The following SLC10A1 variants were observed in gnomAD, a reference collection of about 807,000 sequenced individuals.
SLC10A1 encodes the protein solute carrier family 10 member 1.
In SLC10A1, 36 loss-of-function variants were observed where a neutral mutation model predicts 20.5. The ratio of observed to expected loss-of-function variants is 1.75; its 90% CI spans 1.34 to 2.32. SLC10A1 has a LOEUF of 2.32. SLC10A1 is among the 30% of genes most tolerant of loss of function. The pLI is 0.00. For synonymous variants in SLC10A1, 188 were observed against 163.6 expected (o/e 1.15, Z -1.14); for missense variants, 545 against 439.1 (o/e 1.24, Z -2.16).
In SLC10A1 at chr14:69,775,991, A is replaced by G. The variant is rs150123920; in HGVS notation, c.*291T>C. 2 of 365,402 alleles carry G rather than the reference A, an allele frequency of 5.5e-6. No individual in the cohort carries two copies. The highest frequency in any genetic ancestry group is 9.9e-6 in the Non-Finnish European group (2 of 201,122). The allele number at this position is 365,402 out of a possible 1,614,324, so 22.6% of individuals were successfully genotyped here. The stretch of plus-strand genomic sequence containing the variant: ...TGAGTGACTTTAAGATGCTTATCAG[A>G]CACTTTTAGAGATCCCAGCAAGAGG... On this transcript the variant is annotated 3_prime_UTR_variant, in exon 5 of 5. Transcript: ENST00000216540.
intron 2 of SLC10A1, among the ~76,000 whole-genome samples, chr14:69,780,841 G>A (rs936312950): frequency 6.6e-6 from 1 of 152,076 alleles, no homozygotes; most frequent in African/African-American, 2.4e-5. Context: ...TCTGTCTTTC[G>A]AATTTGTCCT....
chr14:69,788,636 C>T (rs188239325), intron 1 of SLC10A1, among the ~76,000 whole-genome samples: 2 of 152,124 alleles, frequency 1.3e-5, no homozygotes, highest in East Asian at 3.9e-4. Context: ...GCTCCGCCTC[C>T]TGGGTTCACG....
In SLC10A1 at chr14:69,779,219, C is replaced by T. The variant is rs202166288; in HGVS notation, c.709G>A (p.Gly237Ser). The T allele has an allele frequency of 2.5e-6, 4 of 1,613,328 alleles. No individual in the cohort carries two copies. Among genetic ancestry groups the T allele is most frequent in the Non-Finnish European group, 3.4e-6 (4 of 1,179,840 alleles). ...CAGAAGAGAGCAGAGAGAACATAAC[C>T]CAGCAGAAAGCCAATAAAAGGCATC... is the stretch of plus-strand genomic sequence containing the variant. ...SLMPFIGFLL[G>S]YVLSALFCLN... Residue 237 changes from glycine (G) to serine (S), a missense_variant, in exon 3 of 5, where the codon GGT becomes AGT. By Grantham distance (56) the Gly-to-Ser change is moderately conservative. Transcript: ENST00000216540.
intron 1 of SLC10A1, among the ~76,000 whole-genome samples, chr14:69,793,574 C>T (rs546170399): frequency 1.3e-5 from 2 of 152,182 alleles, no homozygotes; most frequent in East Asian, 1.9e-4. Flanking sequence ...GGCCTCAACA[C>T]AGTCTCTATG....
intron 1 of SLC10A1, among the ~76,000 whole-genome samples, chr14:69,794,495 G>A (rs1323668789): frequency 1.3e-5 from 2 of 152,196 alleles, no homozygotes; most frequent in Non-Finnish European, 2.9e-5. Context: ...GTTACATGCT[G>A]TCCCCCAGGG....
intron 2 of SLC10A1, among the ~76,000 whole-genome samples, chr14:69,784,293 AT>A (rs1476586924): frequency 6.6e-6 from 1 of 152,242 alleles, no homozygotes; most frequent in Non-Finnish European, 1.5e-5. Flanking sequence ...GCAGTGGTCA[AT>A]TATGTCCAAT....
intron 2 of SLC10A1, among the ~76,000 whole-genome samples, chr14:69,784,836 A>G (rs1883674477): frequency 6.6e-6 from 1 of 152,100 alleles, no homozygotes; most frequent in East Asian, 1.9e-4. Flanking sequence ...GACTGGCCAC[A>G]GAAAGGAGGA....
At chr14:69,778,564 A>G (rs200475806) in intron 3 of SLC10A1, 35 bp from the exon 4 acceptor site, 1 of 1,504,460 alleles carries the variant, frequency 6.6e-7, no homozygotes. Context: ...ATACACTCAG[A>G]GGGAACTGGA....
Position 69,796,797 on chromosome 14 carries a change from T to A in SLC10A1, c.356+3A>T. 6.2e-7 allele frequency: 1 copy of A among 1,610,606 alleles called. No homozygotes were observed. The highest frequency in any genetic ancestry group is 1.3e-5 in the African/African-American group (1 of 75,030). ...GCTGTTCCCTCCTCACCCCCAGGCC[T>A]ACCTGAGGTTCATGTCCCCCTTCAT... On this transcript the variant is annotated splice_donor_region_variant and intron_variant, in intron 1 of 4. Transcript: ENST00000216540.
intron 2 of SLC10A1, among the ~76,000 whole-genome samples, chr14:69,783,342 G>A (rs959895411): frequency 6.6e-6 from 1 of 152,214 alleles, no homozygotes; most frequent in Admixed American, 6.5e-5. Flanking sequence ...TGTTCTTAAT[G>A]CAGTGTAATA....
intron 4 of SLC10A1, 40 bp downstream of exon 4, chr14:69,778,293 T>C (rs749396382): frequency 2.3e-5 from 35 of 1,516,590 alleles, no homozygotes; most frequent in African/African-American, 9.7e-5. Context: ...AGGTCTAATA[T>C]TGGAGCAGAA....
rs747017342 is a variant in SLC10A1, at chr14:69,791,954, T to A, written c.356+4846A>T. On this transcript the variant is annotated intron_variant, in intron 1 of 4. Transcript: ENST00000216540. ...TCTTTGTAACTTTGTAGACAGTAAA[T>A]TTTTTTTTTTTTTTTGAGACAGGGT... Among the ~76,000 whole-genome samples, 1,270 of 134,380 alleles carry A rather than the reference T, an allele frequency of 9.5e-3. 19 individuals carry two copies. The highest frequency in any genetic ancestry group is 0.033 in the African/African-American group (1,194 of 36,628). 88.2% of individuals were successfully genotyped at this position (134,380 alleles called of 152,430 possible). A position where few individuals can be genotyped will look rare whatever the true frequency, so the allele number is the denominator to read the frequency against.
At chr14:69,779,124 C>T (rs1349328122) in intron 3 of SLC10A1, 58 bp downstream of exon 3, 2 of 1,315,976 alleles carry the variant, frequency 1.5e-6, no homozygotes, top group Admixed American at 2.4e-5. Context: ...ATGTGCTACT[C>T]CCCTCCAGCC....
chr14:69,782,826 G>T (rs914297498), intron 2 of SLC10A1, among the ~76,000 whole-genome samples: 1 of 145,170 alleles, frequency 6.9e-6, no homozygotes, highest in Non-Finnish European at 1.5e-5. Flanking sequence ...AAAAAAAAAA[G>T]GGTCTGAGAT....
At chr14:69,790,510 A>G in intron 1 of SLC10A1, among the ~76,000 whole-genome samples, 1 of 152,118 alleles carries the variant, frequency 6.6e-6, no homozygotes, top group East Asian at 1.9e-4. Context: ...AACATTAGAT[A>G]ATCTATTAAT....
intron 1 of SLC10A1, among the ~76,000 whole-genome samples, chr14:69,796,181 G>A (rs1882382988): frequency 6.6e-6 from 1 of 152,206 alleles, no homozygotes; most frequent in South Asian, 2.1e-4. Context: ...GGGTGGCTGA[G>A]ATGGGGCTGG....
rs772794153 is a variant in SLC10A1, at chr14:69,779,344, A to G, written c.584T>C (p.Ile195Thr). ...RYVIKGGMII[I>T]LLCSVAVTVL... ...TGTGACGGCCACACTGCACAAGAGAATGATGATCATCCCTCCCTGGGAATG... is the reference window on the plus strand; with the variant it reads ...TGTGACGGCCACACTGCACAAGAGAGTGATGATCATCCCTCCCTGGGAATG... The change falls in exon 3 of 5, where the codon ATT becomes ACT. Residue 195 changes from isoleucine (I) to threonine (T), a missense_variant. Ile to Thr is a moderately conservative substitution (Grantham distance 89, BLOSUM62 -1). Transcript: ENST00000216540. The G allele has an allele frequency of 4.0e-5, 64 of 1,611,078 alleles. No homozygotes were observed. The highest frequency in any genetic ancestry group is 1.7e-4 in the Admixed American group (10 of 59,890).
In SLC10A1 at chr14:69,776,148, A is replaced by G. The variant is rs1042010074; in HGVS notation, c.*134T>C. ...TGTCTGTGTTCCCGGCCAAGACTTG[A>G]TGATTCTGATAGATGTACTGGAAAT... On this transcript the variant is annotated 3_prime_UTR_variant, in exon 5 of 5. Coordinates refer to ENST00000216540, the MANE Select transcript of SLC10A1 (RefSeq NM_003049.4). 3.2e-5 allele frequency: 22 copies of G among 678,930 alleles called. No homozygotes were observed. In the African/African-American group the frequency reaches 3.4e-4, roughly 11 times the overall value. The allele number at this position is 678,930 out of a possible 1,614,324, so 42.1% of individuals were successfully genotyped here.
At chr14:69,792,269 G>A (rs540604516) in intron 1 of SLC10A1, among the ~76,000 whole-genome samples, 1 of 152,084 alleles carries the variant, frequency 6.6e-6, no homozygotes, top group Non-Finnish European at 1.5e-5. Context: ...CAATCTATCA[G>A]ACATTATTAT....
Sources: gnomAD v4.1 joint callset for allele counts (sites outside exome capture counted in the v4.1 genomes callset) on GRCh38, gnomAD v4.1.1 for gene constraint, MANE v1.5 for transcripts, NCBI Gene and HGNC (gene_info 2026-07-23, HGNC 2026-07-21) for gene names.